Variants in ACTL8 observed in about 807,000 individuals in gnomAD.
ACTL8 encodes the protein actin like 8.
Under a neutral mutation model 9.3 loss-of-function variants are expected in ACTL8, and 3 were observed. The ratio of observed to expected loss-of-function variants is 0.32; its 90% CI spans 0.15 to 0.83. The LOEUF (loss-of-function observed/expected upper bound fraction) is 0.83, where lower values mean the gene tolerates loss of function less well. ACTL8 is among the 40% of genes least tolerant of loss of function. The pLI is 0.57. For missense variants in ACTL8, 381 were observed against 492.2 expected (o/e 0.77, Z 2.14); for synonymous variants, 224 against 205.9 (o/e 1.09, Z -0.75).
chr1:17,805,959 C>T (rs914349147), intron 1 of ACTL8, among the ~76,000 whole-genome samples: 14 of 152,182 alleles, frequency 9.2e-5, no homozygotes, highest in African/African-American at 3.1e-4. Context: ...CAAGATGTCA[C>T]CTACCCTGAT....
chr1:17,817,069 TTTTA>T (rs1185515279), intron 1 of ACTL8, among the ~76,000 whole-genome samples: 1 of 152,166 alleles, frequency 6.6e-6, no homozygotes, highest in Non-Finnish European at 1.5e-5. Flanking sequence ...GTTTTTTGTT[TTTTA>T]TTTGTTTTTT....
chr1:17,815,024 G>A (rs2066417771), intron 1 of ACTL8, among the ~76,000 whole-genome samples: 1 of 152,018 alleles, frequency 6.6e-6, no homozygotes, highest in African/African-American at 2.4e-5. Context: ...TTATAGCATA[G>A]CAAGACTCCA....
intron 1 of ACTL8, among the ~76,000 whole-genome samples, chr1:17,795,915 C>T (rs1426055740): frequency 6.6e-6 from 1 of 152,228 alleles, no homozygotes; most frequent in Non-Finnish European, 1.5e-5. Context: ...ACCAAGCACA[C>T]TGGCATGGGG....
At chr1:17,759,996 A>G (rs1416284494) in intron 1 of ACTL8, among the ~76,000 whole-genome samples, 2 of 152,092 alleles carry the variant, frequency 1.3e-5, no homozygotes, top group East Asian at 3.9e-4. Context: ...CCCCCTCCTA[A>G]TAGGATGCAG....
At chr1:17,804,208 T>C (rs2066342416) in intron 1 of ACTL8, among the ~76,000 whole-genome samples, 1 of 152,180 alleles carries the variant, frequency 6.6e-6, no homozygotes, top group African/African-American at 2.4e-5. Flanking sequence ...CAGGCTGTAG[T>C]GGGAAACACT....
intron 1 of ACTL8, among the ~76,000 whole-genome samples, chr1:17,792,002 C>A (rs947383463): frequency 2.0e-5 from 3 of 151,830 alleles, no homozygotes; most frequent in Admixed American, 2.0e-4. Context: ...CCTGCCCCCC[C>A]TCATCAACCC....
intron 1 of ACTL8, among the ~76,000 whole-genome samples, chr1:17,800,098 T>G (rs2066309488): frequency 6.6e-6 from 1 of 152,220 alleles, no homozygotes; most frequent in Admixed American, 6.5e-5. Flanking sequence ...TTTTAGAACT[T>G]ATTGACCATA....
intron 1 of ACTL8, among the ~76,000 whole-genome samples, chr1:17,779,645 A>G (rs2066140832): frequency 6.6e-6 from 1 of 152,164 alleles, no homozygotes; most frequent in Non-Finnish European, 1.5e-5. Flanking sequence ...GCAGTAACTC[A>G]GAGATCCAGG....
intron 1 of ACTL8, among the ~76,000 whole-genome samples, chr1:17,820,473 G>A (rs541543208): frequency 6.6e-6 from 1 of 152,232 alleles, no homozygotes; most frequent in East Asian, 1.9e-4. Context: ...CTATACGTAT[G>A]TGCATAAAGG....
chr1:17,769,646 G>A (rs2066070583), intron 1 of ACTL8, among the ~76,000 whole-genome samples: 1 of 152,108 alleles, frequency 6.6e-6, no homozygotes, highest in Admixed American at 6.5e-5. Context: ...GGCCCTCCAG[G>A]AGAGACAGAG....
intron 1 of ACTL8, among the ~76,000 whole-genome samples, chr1:17,789,232 A>G (rs1012084446): frequency 6.6e-6 from 1 of 152,076 alleles, no homozygotes; most frequent in African/African-American, 2.4e-5. Flanking sequence ...GCGACTCCCA[A>G]GAGCGAGGGG....
chr1:17,798,507 G>T (rs2066294899), intron 1 of ACTL8, among the ~76,000 whole-genome samples: 1 of 152,138 alleles, frequency 6.6e-6, no homozygotes, highest in Admixed American at 6.5e-5. Context: ...TTGGGAGAGG[G>T]AGTTGGTGGA....
chr1:17,788,577 G>T (rs771859310), intron 1 of ACTL8, among the ~76,000 whole-genome samples: 1 of 152,238 alleles, frequency 6.6e-6, no homozygotes, highest in Non-Finnish European at 1.5e-5. Flanking sequence ...ATGCTTCAAG[G>T]ATGACAGCTG....
chr1:17,797,669 C>T (rs1578383), intron 1 of ACTL8, among the ~76,000 whole-genome samples: 32,535 of 151,970 alleles, frequency 0.21, 4,265 homozygotes, highest in Admixed American at 0.38. Flanking sequence ...TCTGGAAGCC[C>T]ACAGGCCTGG....
chr1:17,763,742 T>C (rs1344184798), intron 1 of ACTL8, among the ~76,000 whole-genome samples: 3 of 152,200 alleles, frequency 2.0e-5, no homozygotes, highest in Non-Finnish European at 4.4e-5. Context: ...TGTTCCTTAG[T>C]CTTTTCTCCC....
intron 1 of ACTL8, among the ~76,000 whole-genome samples, chr1:17,784,714 T>A (rs2066183319): frequency 6.6e-6 from 1 of 152,138 alleles, no homozygotes; most frequent in African/African-American, 2.4e-5. Flanking sequence ...CCACGCTTCT[T>A]CCCGTTTTAT....
rs143533647 is a variant in ACTL8 at position 17,788,355 on chromosome 1, C to T, written c.-25+32851C>T. On this transcript the variant is annotated intron_variant, in intron 1 of 2. Transcript: ENST00000375406. Reference sequence around the variant, plus strand: ...CATGCCTACCTTCCTTTCACATCCACAGCTCTGGACTGGGGCCGGGAGTCA... The same window carrying T: ...CATGCCTACCTTCCTTTCACATCCATAGCTCTGGACTGGGGCCGGGAGTCA... 5.7e-3 allele frequency among the ~76,000 whole-genome samples: 870 copies of T among 152,320 alleles called. 12 individuals carry two copies. The highest frequency in any genetic ancestry group is 0.019 in the African/African-American group (807 of 41,566).
chr1:17,815,920 T>C (rs779349402), intron 1 of ACTL8, among the ~76,000 whole-genome samples: 4 of 152,234 alleles, frequency 2.6e-5, no homozygotes, highest in Non-Finnish European at 5.9e-5. Flanking sequence ...CATTCCTCTG[T>C]CGTCTCTATT....
chr1:17,763,486 C>T (rs1035613860), intron 1 of ACTL8, among the ~76,000 whole-genome samples: 6 of 152,160 alleles, frequency 3.9e-5, no homozygotes, highest in Admixed American at 2.6e-4. Context: ...GAGTGGGTCC[C>T]TCAACCCTTT....
Sources: gnomAD v4.1 joint callset for allele counts (sites outside exome capture counted in the v4.1 genomes callset) on GRCh38, gnomAD v4.1.1 for gene constraint, MANE v1.5 for transcripts, NCBI Gene and HGNC (gene_info 2026-07-23, HGNC 2026-07-21) for gene names.